FRY: variants seen among roughly 807,000 people sequenced by gnomAD.
The protein encoded by FRY is FRY microtubule binding protein.
FRY carries 128 observed loss-of-function variants against 348.4 expected under a neutral mutation model. The observed-to-expected ratio is 0.37, with a 90% CI of 0.32 to 0.43. The LOEUF is 0.43. FRY is among the 20% of genes least tolerant of loss of function. FRY has a pLI of 1.00. For synonymous variants in FRY, 1,370 were observed against 1,374.7 expected, an observed-to-expected ratio of 1.00 and a Z score of 0.08; for missense variants, 2,736 against 3,695.2, an observed-to-expected ratio of 0.74 and a Z score of 6.73.
intron 7 of FRY, among the ~76,000 whole-genome samples, chr13:32,127,308 A>G (rs777141490): frequency 3.9e-5 from 6 of 152,234 alleles, no homozygotes; most frequent in Non-Finnish European, 7.3e-5. Context: ...ACCAAAGACT[A>G]AGTAATCATT....
chr13:32,214,235 T>G (rs1478772690), intron 35 of FRY, among the ~76,000 whole-genome samples: 1 of 152,216 alleles, frequency 6.6e-6, no homozygotes, highest in Non-Finnish European at 1.5e-5. Context: ...CCTTCCTTCC[T>G]TGTAATCCCT....
intron 17 of FRY, among the ~76,000 whole-genome samples, chr13:32,169,741 G>T (rs929192217): frequency 2.0e-5 from 3 of 152,162 alleles, no homozygotes; most frequent in African/African-American, 4.8e-5. Flanking sequence ...GCTGTACATA[G>T]GGCATGTGAT....
intron 3 of FRY, among the ~76,000 whole-genome samples, chr13:32,103,364 CT>C (rs1487688259): frequency 9.2e-5 from 14 of 152,148 alleles, no homozygotes; most frequent in African/African-American, 3.1e-4. Flanking sequence ...CAAGTTGTGG[CT>C]TTTTAAGAAT....
chr13:32,108,144 C>T (rs1331533809), intron 3 of FRY, among the ~76,000 whole-genome samples: 1 of 152,184 alleles, frequency 6.6e-6, no homozygotes, highest in Non-Finnish European at 1.5e-5. Context: ...TCAGGCAGTG[C>T]ACAACCAGCC....
chr13:32,046,520 A>G (rs1873023456), intron 1 of FRY, among the ~76,000 whole-genome samples: 1 of 152,242 alleles, frequency 6.6e-6, no homozygotes, highest in Middle Eastern at 3.2e-3. Context: ...CAGGAGTATC[A>G]GCCCGTTTGT....
rs762916526 is a variant in FRY, at chr13:32,179,811, T to C, written c.2996+12T>C. 1 of 1,612,218 alleles carries C rather than the reference T, an allele frequency of 6.2e-7. No individual in the cohort carries two copies. The highest frequency in any genetic ancestry group is 2.2e-5 in the East Asian group (1 of 44,872). On this transcript the variant is annotated intron_variant, in intron 23 of 60. Coordinates refer to ENST00000542859, the MANE Select transcript of FRY (RefSeq NM_023037.3). ...TCCCTTGTTTTCAGGTACAGTAGTC[T>C]TAATGAGTTGTTCTAAATTCATACA...
intron 55 of FRY, among the ~76,000 whole-genome samples, chr13:32,268,505 A>ATATATAT (rs1555273231): frequency 3.2e-4 from 9 of 28,300 alleles, no homozygotes; most frequent in African/African-American, 4.7e-4. Flanking sequence ...AAAAAAAAAA[A>ATATATAT]ATATATATAT....
intron 51 of FRY, among the ~76,000 whole-genome samples, chr13:32,260,579 A>G (rs1887576932): frequency 6.6e-6 from 1 of 152,268 alleles, no homozygotes; most frequent in Admixed American, 6.5e-5. Context: ...ATACAAATCA[A>G]CAATAATATT....
chr13:32,092,881 A>G (rs531998080), intron 2 of FRY, among the ~76,000 whole-genome samples: 45 of 152,342 alleles, frequency 3.0e-4, no homozygotes, highest in Non-Finnish European at 5.9e-4. Context: ...TGCTATTAGA[A>G]TAAGTTTTGA....
intron 1 of FRY, among the ~76,000 whole-genome samples, chr13:32,059,934 G>T (rs1038417186): frequency 2.0e-5 from 3 of 152,188 alleles, no homozygotes; most frequent in Non-Finnish European, 4.4e-5. Flanking sequence ...GTAGCATGGG[G>T]CATCTTTGCT....
intron 55 of FRY, among the ~76,000 whole-genome samples, chr13:32,269,660 C>A (rs553391119): frequency 2.0e-4 from 30 of 150,486 alleles, no homozygotes; most frequent in African/African-American, 7.1e-4. Context: ...CCACTGCATT[C>A]CAGCCTGGGC....
chr13:32,240,374 G>A (rs1333297956), intron 46 of FRY, among the ~76,000 whole-genome samples: 2 of 152,118 alleles, frequency 1.3e-5, no homozygotes, highest in Admixed American at 6.5e-5. Flanking sequence ...TCCTAATTAC[G>A]CTGGGTGTTC....
intron 10 of FRY, among the ~76,000 whole-genome samples, chr13:32,135,956 C>T (rs899515547): frequency 2.6e-5 from 4 of 151,494 alleles, no homozygotes; most frequent in African/African-American, 9.7e-5. Flanking sequence ...TAACTGCATG[C>T]ATATTTTTTA....
intron 1 of FRY, among the ~76,000 whole-genome samples, chr13:32,071,642 A>G (rs1874664444): frequency 6.6e-6 from 1 of 152,168 alleles, no homozygotes; most frequent in Non-Finnish European, 1.5e-5. Context: ...CTAAATATAC[A>G]AGCATGATTC....
At position 32,274,723 on chromosome 13, in the gene FRY, A is replaced by G. The variant is rs1204904318; in HGVS notation, c.8137-119A>G. ...TGTCTCAAAAAAAAAAAAAAAAAAA[A>G]AAAAAATCAGTTAATGTAATTGGAA... On this transcript the variant is annotated intron_variant, in intron 55 of 60. Coordinates refer to ENST00000542859, the MANE Select transcript of FRY (RefSeq NM_023037.3). 4.9e-5 allele frequency: 31 copies of G among 628,422 alleles called. No individual in the cohort carries two copies. In the South Asian group the frequency reaches 5.5e-4, roughly 11 times the overall value. The allele number at this position is 628,422 out of a possible 1,614,324, so 38.9% of individuals were successfully genotyped here. A position where few individuals can be genotyped will look rare whatever the true frequency, so the allele number is the denominator to read the frequency against.
Position 32,265,464 on chromosome 13 carries a change from TGAG to T in FRY, c.7803_7805del (p.Glu2601del), listed in dbSNP as rs760238590. 1.9e-6 allele frequency: 3 copies of T among 1,614,132 alleles called. No homozygotes were observed. Among genetic ancestry groups the T allele is most frequent in the East Asian group, 2.2e-5 (1 of 44,892 alleles). On this transcript the variant is annotated inframe_deletion, in exon 54 of 61. Transcript: ENST00000542859. ...TATTCTTCCAGGCTGAAGCTGTTCG[TGAG>T]GAGGAGGACACCACCGTGCATGAGG...
In FRY at chr13:32,187,589, T is replaced by C. The variant is rs895313680; in HGVS notation, c.3524T>C (p.Val1175Ala). 4 of 1,612,784 alleles carry C rather than the reference T, an allele frequency of 2.5e-6. No individual in the cohort carries two copies. The highest frequency in any genetic ancestry group is 1.3e-5 in the African/African-American group (1 of 75,038). Residue 1175 changes from valine to alanine, a missense_variant, in exon 28 of 61, where the codon GTG becomes GCG. By Grantham distance (64) the Val-to-Ala change is moderately conservative (BLOSUM62 0). Coordinates refer to ENST00000542859, the MANE Select transcript of FRY (RefSeq NM_023037.3). ...TGCTGTGGCCCTGTCTTTGACAATG[T>C]GGGCCTTTCCCCAGATGGCTACCTA... ...VLCCGPVFDN[V>A]GLSPDGYLYK...
chr13:32,289,329 C>G (rs1889220291), intron 58 of FRY, among the ~76,000 whole-genome samples: 1 of 152,126 alleles, frequency 6.6e-6, no homozygotes, highest in Non-Finnish European at 1.5e-5. Flanking sequence ...GACAACCACT[C>G]AGCTATAATT....
At chr13:32,080,757 G>A (rs931300777) in intron 2 of FRY, among the ~76,000 whole-genome samples, 1 of 152,190 alleles carries the variant, frequency 6.6e-6, no homozygotes, top group Non-Finnish European at 1.5e-5. Flanking sequence ...TTCAGAGGAT[G>A]TGGGTCAGTT....
Sources: gnomAD v4.1 joint callset for allele counts (sites outside exome capture counted in the v4.1 genomes callset) on GRCh38, gnomAD v4.1.1 for gene constraint, MANE v1.5 for transcripts, NCBI Gene and HGNC (gene_info 2026-07-23, HGNC 2026-07-21) for gene names.